CFAP92: variants seen among roughly 807,000 people sequenced by gnomAD.
The protein encoded by CFAP92 is uncharacterized protein CFAP92.
A neutral mutation model predicts 106.3 loss-of-function variants in CFAP92; 86 were observed. That is an observed-to-expected ratio of 0.81 (90% CI 0.68 to 0.97). The LOEUF is 0.97. Among genes scored for constraint, CFAP92 ranks in the 50% least tolerant of loss-of-function variants. The probability of loss-of-function intolerance (pLI) is 0.00; values close to 1 mark genes in which losing one functional copy is unlikely to be tolerated. For synonymous variants in CFAP92, 477 were observed against 506.4 expected (o/e 0.94, Z 0.78); for missense variants, 1,204 against 1,283.8 (o/e 0.94, Z 0.95).
At chr3:128,929,474 A>G (rs77912733) in intron 12 of CFAP92, among the ~76,000 whole-genome samples, 9,425 of 152,312 alleles carry the variant, frequency 0.062, 402 homozygotes, top group Middle Eastern at 0.13. Context: ...TTTGTATGCA[A>G]ATGTTTATAG....
intron 2 of CFAP92, chr3:128,991,948 A>G (rs561558080): frequency 2.2e-6 from 2 of 917,072 alleles, no homozygotes; most frequent in African/African-American, 3.6e-5. Context: ...TGGCCAATAA[A>G]ATGCTAGCAG....
chr3:128,922,183 C>CA (rs372929834), intron 12 of CFAP92, among the ~76,000 whole-genome samples: 61 of 148,434 alleles, frequency 4.1e-4, no homozygotes, highest in South Asian at 3.6e-3. Context: ...ACTAAAAATA[C>CA]AAAAAAAAAA....
intron 9 of CFAP92, among the ~76,000 whole-genome samples, chr3:128,963,587 ATC>A (rs1035393318): frequency 6.6e-6 from 1 of 151,244 alleles, no homozygotes; most frequent in Non-Finnish European, 1.5e-5. Flanking sequence ...CCATGACTGT[ATC>A]TCTCTGATCC....
chr3:128,933,074 G>A, intron 11 of CFAP92, 77 bp from the exon 12 acceptor site: 13 of 1,335,530 alleles, frequency 9.7e-6, no homozygotes, highest in Non-Finnish European at 1.3e-5. Context: ...TCCTACAGCA[G>A]GAAATGAACA....
intron 10 of CFAP92, among the ~76,000 whole-genome samples, chr3:128,936,574 G>A (rs2055059808): frequency 6.6e-6 from 1 of 152,158 alleles, no homozygotes; most frequent in South Asian, 2.1e-4. Flanking sequence ...CAGCCTGGCT[G>A]CTGAGGCTGC....
chr3:129,003,323 T>C, upstream of CFAP92: 2 of 978,442 alleles, frequency 2.0e-6, no homozygotes, highest in South Asian at 9.5e-5. Context: ...GCCAGGTTTG[T>C]TTTAGGCTCT....
At chr3:129,003,989 C>G (rs931134536), upstream of CFAP92, 51 of 1,498,932 alleles carry the variant, frequency 3.4e-5, no homozygotes, top group Non-Finnish European at 4.3e-5. Flanking sequence ...CAGCCTGCAC[C>G]GCGTGCGAGA....
At chr3:128,985,748 C>T (rs1272070295) in intron 4 of CFAP92, among the ~76,000 whole-genome samples, 2 of 152,188 alleles carry the variant, frequency 1.3e-5, no homozygotes, top group African/African-American at 4.8e-5. Flanking sequence ...ATGGTTCTTT[C>T]CTATAGTCCA....
chr3:128,999,531 CTTTTT>C (rs5852556), intron 1 of CFAP92, among the ~76,000 whole-genome samples: 734 of 71,568 alleles, frequency 0.01, 9 homozygotes, highest in African/African-American at 0.043. Flanking sequence ...AAATCAGGTT[CTTTTT>C]TTTTTTTTTT....
intron 12 of CFAP92, among the ~76,000 whole-genome samples, chr3:128,926,687 C>G (rs1937684013): frequency 6.6e-6 from 1 of 152,132 alleles, no homozygotes; most frequent in Non-Finnish European, 1.5e-5. Flanking sequence ...CCTCAAATTC[C>G]TCTACTGAAG....
At chr3:128,911,920 G>C (rs192866452) in intron 15 of CFAP92, among the ~76,000 whole-genome samples, 1 of 152,136 alleles carries the variant, frequency 6.6e-6, no homozygotes, top group Non-Finnish European at 1.5e-5. Context: ...GGCTTTGCTC[G>C]TGCTCCCCGC....
chr3:128,998,208 G>C (rs1046479926), upstream of CFAP92, among the ~76,000 whole-genome samples: 1 of 152,006 alleles, frequency 6.6e-6, no homozygotes, highest in Non-Finnish European at 1.5e-5. Context: ...TCCTTTACTG[G>C]GCATATGTTT....
In CFAP92 at chr3:128,910,824, T is replaced by G. The variant is rs1936211587; in HGVS notation, c.3281-491A>C. 5.0e-6 allele frequency: 8 copies of G among 1,614,006 alleles called. No individual in the cohort carries two copies. Among genetic ancestry groups the G allele is most frequent in the Middle Eastern group, 3.3e-4 (2 of 6,058 alleles). ...CTCAGCTGGACAAGTGTGAGTGGCATGTCTTGGGGGAGGGAAGGAAGGGCC... is the reference window on the plus strand; with the variant it reads ...CTCAGCTGGACAAGTGTGAGTGGCAGGTCTTGGGGGAGGGAAGGAAGGGCC... On this transcript the variant is annotated intron_variant, in intron 15 of 15. Transcript: ENST00000645291.
upstream of CFAP92, among the ~76,000 whole-genome samples, chr3:128,997,986 C>T (rs913480123): frequency 1.3e-5 from 2 of 152,228 alleles, 1 homozygote; most frequent in East Asian, 3.8e-4. Flanking sequence ...TTATTCACTA[C>T]AGCTATTCTC....
At chr3:128,933,278 C>T (rs945082233) in intron 11 of CFAP92, among the ~76,000 whole-genome samples, 1 of 152,226 alleles carries the variant, frequency 6.6e-6, no homozygotes, top group Non-Finnish European at 1.5e-5. Context: ...TTCCCCTCCT[C>T]CCATACCCCA....
intron 1 of CFAP92, chr3:129,002,308 G>T (rs1222528394): frequency 1.3e-6 from 2 of 1,525,322 alleles, no homozygotes; most frequent in Non-Finnish European, 8.7e-7. Flanking sequence ...AGTGATGCGC[G>T]CTGCCTAGCA....
At chr3:128,958,143 CT>C (rs1395011689) in intron 9 of CFAP92, among the ~76,000 whole-genome samples, 1 of 152,222 alleles carries the variant, frequency 6.6e-6, no homozygotes, top group African/African-American at 2.4e-5. Context: ...CAAAGACCCT[CT>C]TTCCAAATAA....
intron 12 of CFAP92, among the ~76,000 whole-genome samples, chr3:128,921,848 A>G (rs960062994): frequency 2.6e-5 from 4 of 152,042 alleles, no homozygotes; most frequent in Admixed American, 6.6e-5. Flanking sequence ...ATTGTCTCCC[A>G]CCATAGTAGG....
chr3:128,987,147 C>T (rs370168386), intron 4 of CFAP92, among the ~76,000 whole-genome samples: 23 of 151,968 alleles, frequency 1.5e-4, no homozygotes, highest in East Asian at 9.7e-4. Context: ...GGCGACAGAG[C>T]GAGACTCCAT....
Sources: allele counts gnomAD v4.1 joint callset (sites outside exome capture counted in the v4.1 genomes callset), GRCh38; gene constraint gnomAD v4.1.1; transcripts MANE v1.5; gene names NCBI Gene and HGNC (gene_info 2026-07-23, HGNC 2026-07-21).